RALGPS1: variants seen among roughly 807,000 people sequenced by gnomAD.
The protein encoded by RALGPS1 is ras-specific guanine nucleotide-releasing factor RalGPS1.
In RALGPS1, 19 loss-of-function variants were observed where a neutral mutation model predicts 78.8. The ratio of observed to expected loss-of-function variants is 0.24; its 90% CI spans 0.17 to 0.35. The LOEUF (loss-of-function observed/expected upper bound fraction) is 0.35. RALGPS1 is among the 10% of genes least tolerant of loss of function. The pLI is 1.00. For synonymous variants in RALGPS1, 228 were observed against 256.3 expected (o/e 0.89, Z 1.06); for missense variants, 454 against 688.3 (o/e 0.66, Z 3.81).
At chr9:126,945,231 C>G (rs682690) in intron 1 of RALGPS1, among the ~76,000 whole-genome samples, 30,099 of 152,008 alleles carry the variant, frequency 0.2, 3,762 homozygotes, top group East Asian at 0.44. Context: ...TGGAGTCTCA[C>G]TCTGTCACCC....
chr9:126,916,421 TAA>T (rs2034165054), intron 1 of RALGPS1, among the ~76,000 whole-genome samples: 2 of 152,108 alleles, frequency 1.3e-5, no homozygotes, highest in Non-Finnish European at 2.9e-5. Context: ...AGCTGGAACA[TAA>T]AGCTCAGGCC....
At chr9:127,203,438 C>T (rs543837544) in intron 14 of RALGPS1, among the ~76,000 whole-genome samples, 3 of 152,292 alleles carry the variant, frequency 2.0e-5, no homozygotes, top group South Asian at 4.2e-4. Flanking sequence ...CTCCCCTGGT[C>T]GGAATCACCT....
In RALGPS1 at chr9:126,914,931, C is replaced by T. The variant is rs1342431690; in HGVS notation, c.-110C>T. The T allele has an allele frequency of 3.3e-5, 5 of 151,602 alleles. No individual in the cohort carries two copies. The highest frequency in any genetic ancestry group is 1.9e-4 in the East Asian group (1 of 5,132). 9.4% of individuals were successfully genotyped at this position (151,602 alleles called of 1,614,324 possible). On this transcript the variant is annotated 5_prime_UTR_variant, in exon 1 of 19. Transcript: ENST00000259351. Reference sequence around the variant, plus strand: ...GGCGCCGCTGCCGCTGGGCCGCTCCCAGGGCCATGAGGAAGCGGCGGCAGC... The same window carrying T: ...GGCGCCGCTGCCGCTGGGCCGCTCCTAGGGCCATGAGGAAGCGGCGGCAGC...
At chr9:127,139,338 G>A (rs1436640550) in intron 8 of RALGPS1, among the ~76,000 whole-genome samples, 1 of 152,202 alleles carries the variant, frequency 6.6e-6, no homozygotes, top group Non-Finnish European at 1.5e-5. Flanking sequence ...AGACTCCCCA[G>A]GTCAGGCCAC....
rs2061861914 is a variant in RALGPS1 at position 127,205,128 on chromosome 9, C to T, written c.1247+6062C>T. 6.6e-6 allele frequency among the ~76,000 whole-genome samples: 1 copy of T among 152,230 alleles called. No homozygotes were observed. The highest frequency in any genetic ancestry group is 1.5e-5 in the Non-Finnish European group (1 of 68,032). Reference sequence around the variant, plus strand: ...GTCTGGTGTCCTCGGGTTCATTCTGCTGCCTGGTGCCTGGCTTCAGTGCTC... The same window carrying T: ...GTCTGGTGTCCTCGGGTTCATTCTGTTGCCTGGTGCCTGGCTTCAGTGCTC... On this transcript the variant is annotated intron_variant, in intron 14 of 18. Coordinates refer to ENST00000259351, the MANE Select transcript of RALGPS1 (RefSeq NM_014636.3). This position sits in a 1 kb window ranked among gnomAD's most constrained non-coding sequence, Gnocchi z 4.0.
intron 8 of RALGPS1, chr9:127,089,072 C>A: frequency 1.9e-6 from 3 of 1,614,216 alleles, no homozygotes; most frequent in Non-Finnish European, 2.5e-6. Context: ...GTACCAGACC[C>A]CGTTGAGGTT....
rs543909572 is a variant in RALGPS1 at position 127,188,997 on chromosome 9, C to CA, written c.911-6064dup. On this transcript the variant is annotated intron_variant, in intron 11 of 18. Transcript: ENST00000259351. Reference sequence around the variant, plus strand: ...CCTGGGCGACAGAGCAAGACTGTCTCAAAAAAAAAAAAAAAAAAAAAAAAA... The same window carrying CA: ...CCTGGGCGACAGAGCAAGACTGTCTCAAAAAAAAAAAAAAAAAAAAAAAAAA... Among the ~76,000 whole-genome samples, 278 of 56,822 alleles carry CA rather than the reference C, an allele frequency of 4.9e-3. 7 individuals are homozygous for CA. The highest frequency in any genetic ancestry group is 6.7e-3 in the Non-Finnish European group (223 of 33,412). The allele number at this position is 56,822 out of a possible 152,430, so 37.3% of individuals were successfully genotyped here.
intron 11 of RALGPS1, among the ~76,000 whole-genome samples, chr9:127,179,153 A>C (rs2060062677): frequency 1.3e-5 from 2 of 152,234 alleles, no homozygotes; most frequent in Admixed American, 1.3e-4. Flanking sequence ...CCCAGCTCAT[A>C]GGAGTGTTTT....
chr9:126,924,553 A>G (rs936295480), intron 1 of RALGPS1, among the ~76,000 whole-genome samples: 3 of 152,244 alleles, frequency 2.0e-5, no homozygotes, highest in Non-Finnish European at 4.4e-5. Flanking sequence ...CCCACTTTCC[A>G]TGTAAACAGG....
At chr9:127,213,156 C>G in intron 17 of RALGPS1, 107 bp downstream of exon 17, 2 of 1,509,786 alleles carry the variant, frequency 1.3e-6, no homozygotes, top group Non-Finnish European at 1.8e-6. Context: ...TGCTGCCTTC[C>G]CTTTGCTTTA....
In RALGPS1 at chr9:127,218,107, C is replaced by T. The variant is rs140394958; in HGVS notation, c.1645-633C>T. ...TATTTCTAATCAAATCCTCCCACAGCAGTGCTGAGGGAGGAGGTCTGGGGC... is the reference window on the plus strand; with the variant it reads ...TATTTCTAATCAAATCCTCCCACAGTAGTGCTGAGGGAGGAGGTCTGGGGC... On this transcript the variant is annotated intron_variant, in intron 18 of 18. Coordinates refer to ENST00000259351, the MANE Select transcript of RALGPS1 (RefSeq NM_014636.3). The surrounding 1 kb of genome is among the most constrained non-coding windows in gnomAD (Gnocchi z 4.4). Among the ~76,000 whole-genome samples the T allele has an allele frequency of 6.6e-6, 1 of 152,248 alleles. No homozygotes were observed. The highest frequency in any genetic ancestry group is 2.4e-5 in the African/African-American group (1 of 41,530).
intron 8 of RALGPS1, among the ~76,000 whole-genome samples, chr9:127,129,728 C>T (rs959826805): frequency 1.3e-5 from 2 of 152,192 alleles, no homozygotes; most frequent in South Asian, 4.1e-4. Context: ...CCACATAGGC[C>T]CTGCAGGGAG....
intron 1 of RALGPS1, among the ~76,000 whole-genome samples, chr9:126,949,248 T>A (rs2037575389): frequency 6.6e-6 from 1 of 152,224 alleles, no homozygotes; most frequent in African/African-American, 2.4e-5. Context: ...GTCTTTGCTA[T>A]TGTGAATAGT....
intron 6 of RALGPS1, among the ~76,000 whole-genome samples, chr9:127,051,828 G>A (rs1416179723): frequency 1.3e-5 from 2 of 152,230 alleles, no homozygotes; most frequent in African/African-American, 4.8e-5. Context: ...AGAGAGGCAA[G>A]TAAAAAGCAA....
intron 4 of RALGPS1, among the ~76,000 whole-genome samples, chr9:126,996,438 T>C (rs1333712765): frequency 2.0e-5 from 3 of 152,254 alleles, no homozygotes; most frequent in Non-Finnish European, 4.4e-5. Flanking sequence ...CTAGAAGAAA[T>C]GGATAAATTC....
At chr9:127,215,879 C>T (rs947581759) in intron 18 of RALGPS1, among the ~76,000 whole-genome samples, 10 of 152,170 alleles carry the variant, frequency 6.6e-5, no homozygotes, top group African/African-American at 2.2e-4. Context: ...AAGCAGGAGT[C>T]CTCTCCTAGC....
intron 8 of RALGPS1, chr9:127,088,215 GA>G (rs1379105005): frequency 6.6e-6 from 1 of 152,276 alleles, no homozygotes; most frequent in East Asian, 1.9e-4. Flanking sequence ...GATGGATGGT[GA>G]AAAGTCCTGA....
chr9:127,053,242 G>T (rs2135415573), intron 7 of RALGPS1, among the ~76,000 whole-genome samples: 1 of 152,292 alleles, frequency 6.6e-6, no homozygotes, highest in East Asian at 1.9e-4. Context: ...CCTCCACTTG[G>T]CTGGAATTTT....
At chr9:127,110,713 C>T (rs2054715659) in intron 8 of RALGPS1, among the ~76,000 whole-genome samples, 1 of 152,206 alleles carries the variant, frequency 6.6e-6, no homozygotes, top group Non-Finnish European at 1.5e-5. Context: ...GTTGCTCAGG[C>T]CGAAAGTCTT....
Sources: allele counts gnomAD v4.1 joint callset (sites outside exome capture counted in the v4.1 genomes callset), GRCh38; gene constraint gnomAD v4.1.1; non-coding constraint Gnocchi (gnomAD v3.1); transcripts MANE v1.5; gene names NCBI Gene and HGNC (gene_info 2026-07-23, HGNC 2026-07-21).